CADPS2: variants seen among roughly 807,000 people sequenced by gnomAD.
CADPS2 encodes calcium dependent secretion activator 2.
CADPS2 carries 93 observed loss-of-function variants against 172.5 expected under a neutral mutation model. The ratio of observed to expected loss-of-function variants is 0.54; its 90% CI spans 0.46 to 0.64. The LOEUF is 0.64. Ranked by LOEUF, CADPS2 falls within the 30% of genes least tolerant of loss-of-function variation. CADPS2 has a pLI of 0.00. For synonymous variants in CADPS2, 546 were observed against 555.2 expected (o/e 0.98, Z 0.23); for missense variants, 1,420 against 1,565.9 (o/e 0.91, Z 1.57).
At chr7:122,542,168 A>G (rs2063166736) in intron 8 of CADPS2, among the ~76,000 whole-genome samples, 2 of 152,106 alleles carry the variant, frequency 1.3e-5, no homozygotes, top group African/African-American at 4.8e-5. Flanking sequence ...ACAGGGGAAG[A>G]AGGGAGGCAC....
chr7:122,756,886 C>G (rs537592410), intron 1 of CADPS2, among the ~76,000 whole-genome samples: 1 of 150,458 alleles, frequency 6.6e-6, no homozygotes, highest in Admixed American at 6.6e-5. Flanking sequence ...GGGAACAGAG[C>G]AAGACTCCCT....
At chr7:122,668,728 A>G (rs1322326756) in intron 2 of CADPS2, among the ~76,000 whole-genome samples, 1 of 152,160 alleles carries the variant, frequency 6.6e-6, no homozygotes, top group Non-Finnish European at 1.5e-5. Flanking sequence ...AATCAGGTCA[A>G]ATGAAGAGAG....
At chr7:122,465,017 G>A (rs1005629621) in intron 14 of CADPS2, among the ~76,000 whole-genome samples, 9 of 151,818 alleles carry the variant, frequency 5.9e-5, no homozygotes, top group African/African-American at 1.7e-4. Context: ...TAAAATTATC[G>A]TAAAATAAAA....
intron 1 of CADPS2, among the ~76,000 whole-genome samples, chr7:122,790,664 G>A (rs1316165965): frequency 6.6e-6 from 1 of 151,998 alleles, no homozygotes; most frequent in Non-Finnish European, 1.5e-5. Flanking sequence ...TTTCTTCAAA[G>A]TGCCTAAATC....
chr7:122,518,800 T>C (rs1327545845), intron 8 of CADPS2, among the ~76,000 whole-genome samples: 2 of 152,074 alleles, frequency 1.3e-5, no homozygotes, highest in Non-Finnish European at 2.9e-5. Flanking sequence ...TGTTATCCAA[T>C]AAAATAAGTA....
chr7:122,739,240 A>T (rs1350238179), intron 1 of CADPS2, among the ~76,000 whole-genome samples: 2 of 152,190 alleles, frequency 1.3e-5, no homozygotes, highest in African/African-American at 4.8e-5. Context: ...TATGCAAAGA[A>T]TGACAATGAA....
chr7:122,542,652 T>C (rs1180272034), intron 8 of CADPS2, among the ~76,000 whole-genome samples: 2 of 152,180 alleles, frequency 1.3e-5, no homozygotes, highest in Non-Finnish European at 2.9e-5. Context: ...TGTTTTATTG[T>C]AGCTCTCTGA....
rs1386217151 is a variant in CADPS2 at position 122,645,315 on chromosome 7, G to GTA, written c.787-15989_787-15988dup. The stretch of plus-strand genomic sequence containing the variant: ...CATATATACACATATGTACATGTGT[G>GTA]TATACATGTACATATATACACACAT... On this transcript the variant is annotated intron_variant, in intron 3 of 29. Transcript: ENST00000449022. Among the ~76,000 whole-genome samples, 266 of 122,946 alleles carry GTA rather than the reference G, an allele frequency of 2.2e-3. 3 individuals carry two copies. Among genetic ancestry groups the GTA allele is most frequent in the African/African-American group, 7.2e-3 (249 of 34,742 alleles). The allele number at this position is 122,946 out of a possible 152,430, so 80.7% of individuals were successfully genotyped here.
At chr7:122,866,287 A>G (rs1818295864) in intron 1 of CADPS2, among the ~76,000 whole-genome samples, 1 of 152,202 alleles carries the variant, frequency 6.6e-6, no homozygotes, top group African/African-American at 2.4e-5. Flanking sequence ...GCTACCACCT[A>G]TTCAAACTTT....
intron 19 of CADPS2, 39 bp from the exon 20 acceptor site, chr7:122,407,735 A>T (rs1389307218): frequency 1.5e-5 from 23 of 1,551,180 alleles, no homozygotes; most frequent in South Asian, 8.3e-5. Context: ...AAAGTAGATT[A>T]CTTTTTAGAA....
intron 14 of CADPS2, among the ~76,000 whole-genome samples, chr7:122,454,989 C>T (rs1563384107): frequency 6.6e-6 from 1 of 152,160 alleles, no homozygotes; most frequent in Admixed American, 6.5e-5. Context: ...CCTCTTCAAC[C>T]ATCAGTCATT....
At chr7:122,354,719 T>C (rs1357079277) in intron 27 of CADPS2, among the ~76,000 whole-genome samples, 2 of 152,174 alleles carry the variant, frequency 1.3e-5, no homozygotes, top group Non-Finnish European at 2.9e-5. Context: ...TCTAAGTTAC[T>C]ATTGAACAGG....
chr7:122,377,972 A>G (rs2042551211), intron 25 of CADPS2, among the ~76,000 whole-genome samples: 2 of 152,148 alleles, frequency 1.3e-5, no homozygotes, highest in Non-Finnish European at 2.9e-5. Context: ...CTATACTCCC[A>G]TTACCCAGAG....
At position 122,528,362 on chromosome 7, in the gene CADPS2, C is replaced by G. The variant is rs1387653860; in HGVS notation, c.1476-15047G>C. On this transcript the variant is annotated intron_variant, in intron 8 of 29. Transcript: ENST00000449022. ...ACAACAAAAACTAGCTCTTCTTATTCATTAGATAAAAGCAATGTTTCTAAA... is the reference window on the plus strand; with the variant it reads ...ACAACAAAAACTAGCTCTTCTTATTGATTAGATAAAAGCAATGTTTCTAAA... Among the ~76,000 whole-genome samples the G allele has an allele frequency of 2.0e-5, 3 of 152,126 alleles. No homozygotes were observed. In the South Asian group the frequency reaches 6.2e-4, roughly 31 times the overall value.
chr7:122,839,206 T>C (rs1809581954), intron 1 of CADPS2, among the ~76,000 whole-genome samples: 1 of 152,190 alleles, frequency 6.6e-6, no homozygotes, highest in Non-Finnish European at 1.5e-5. Context: ...TAAATGGTGC[T>C]GGGAAAACTG....
chr7:122,382,801 A>G (rs945204150), intron 24 of CADPS2, among the ~76,000 whole-genome samples: 4 of 152,046 alleles, frequency 2.6e-5, no homozygotes, highest in African/African-American at 7.2e-5. Context: ...TGGGCAACAG[A>G]AGGAGACAAA....
At chr7:122,506,739 A>G (rs990602052) in intron 9 of CADPS2, among the ~76,000 whole-genome samples, 3 of 150,992 alleles carry the variant, frequency 2.0e-5, no homozygotes, top group African/African-American at 7.4e-5. Context: ...AAAAAAAAAA[A>G]AAAACAAACA....
chr7:122,642,468 C>T (rs35577980), intron 3 of CADPS2, among the ~76,000 whole-genome samples: 6 of 151,764 alleles, frequency 4.0e-5, no homozygotes. Context: ...GAACTGGAAG[C>T]CTGTGCTGGC....
At chr7:122,363,178 TTA>T (rs1314476900) in intron 25 of CADPS2, among the ~76,000 whole-genome samples, 2 of 152,174 alleles carry the variant, frequency 1.3e-5, no homozygotes, top group Admixed American at 6.5e-5. Context: ...TACTCTAGGG[TTA>T]TGTCAGACCA....
Sources: gnomAD v4.1 joint callset for allele counts (sites outside exome capture counted in the v4.1 genomes callset) on GRCh38, gnomAD v4.1.1 for gene constraint, MANE v1.5 for transcripts, NCBI Gene and HGNC (gene_info 2026-07-23, HGNC 2026-07-21) for gene names.